Variants in MICU1 observed in about 807,000 individuals in gnomAD.
The protein encoded by MICU1 is mitochondrial calcium uptake 1.
Under a neutral mutation model 56.8 loss-of-function variants are expected in MICU1, and 45 were observed. That is an observed-to-expected ratio of 0.79 (90% CI 0.62 to 1.02). The LOEUF (loss-of-function observed/expected upper bound fraction) is 1.02, where lower values mean the gene tolerates loss of function less well. MICU1 is among the 50% of genes least tolerant of loss of function. The probability of loss-of-function intolerance (pLI) is 0.00; values close to 1 mark genes in which losing one functional copy is unlikely to be tolerated. For missense variants in MICU1, 504 were observed against 587.1 expected (o/e 0.86, Z 1.46); for synonymous variants, 186 against 195.1 (o/e 0.95, Z 0.39).
Position 72,594,336 on chromosome 10 carries a change from A to T in MICU1, c.-1-27542T>A, listed in dbSNP as rs1841312818. ...AAAGCACTATAAATGGTGCTGGACA[A>T]ACTGGGTATCTAGATGCAAAAGAGA... On this transcript the variant is annotated intron_variant, in intron 1 of 11. Transcript: ENST00000361114. Among the ~76,000 whole-genome samples, 3 of 152,278 alleles carry T rather than the reference A, an allele frequency of 2.0e-5. No individual in the cohort carries two copies. In the South Asian group the frequency reaches 6.2e-4, roughly 32 times the overall value.
chr10:72,432,543 T>C (rs1299709831), intron 8 of MICU1, among the ~76,000 whole-genome samples: 2 of 152,190 alleles, frequency 1.3e-5, no homozygotes, highest in Admixed American at 6.5e-5. Flanking sequence ...AGGGGAAGGA[T>C]GGTGCCAGCC....
At chr10:72,468,526 A>G (rs1865861706) in intron 8 of MICU1, among the ~76,000 whole-genome samples, 1 of 152,054 alleles carries the variant, frequency 6.6e-6, no homozygotes, top group Non-Finnish European at 1.5e-5. Context: ...AATAACCTTA[A>G]AAGAGAATTT....
chr10:72,533,702 G>A (rs1490129945), intron 5 of MICU1, 44 bp downstream of exon 5: 1 of 1,408,942 alleles, frequency 7.1e-7, no homozygotes, highest in East Asian at 2.3e-5. Flanking sequence ...AATCTTCTTA[G>A]TAAATGATAG....
intron 9 of MICU1, among the ~76,000 whole-genome samples, chr10:72,413,320 A>C (rs1203038251): frequency 6.6e-6 from 1 of 152,112 alleles, no homozygotes; most frequent in Non-Finnish European, 1.5e-5. Context: ...TCCATAAAGG[A>C]AAAAAAACTG....
chr10:72,507,917 CGTTTT>C (rs1867310257), intron 6 of MICU1, among the ~76,000 whole-genome samples: 2 of 152,062 alleles, frequency 1.3e-5, no homozygotes, highest in African/African-American at 2.4e-5. Context: ...TGTGCCCAGC[CGTTTT>C]GTTTTGTTTT....
chr10:72,610,034 TA>T (rs1353955013), intron 1 of MICU1, among the ~76,000 whole-genome samples: 100 of 140,042 alleles, frequency 7.1e-4, no homozygotes, highest in Non-Finnish European at 5.8e-4. Flanking sequence ...AGACTCCATC[TA>T]AAAAAAAAAA....
intron 6 of MICU1, among the ~76,000 whole-genome samples, chr10:72,496,316 T>G (rs975739786): frequency 2.0e-5 from 3 of 151,126 alleles, no homozygotes; most frequent in African/African-American, 7.3e-5. Flanking sequence ...TTTTTTTTTT[T>G]TCCGAGACAG....
At chr10:72,386,831 C>T (rs1862909114) in intron 10 of MICU1, among the ~76,000 whole-genome samples, 1 of 152,124 alleles carries the variant, frequency 6.6e-6, no homozygotes, top group African/African-American at 2.4e-5. Flanking sequence ...GTGCCACTGT[C>T]CCTGGCCTGC....
intron 4 of MICU1, among the ~76,000 whole-genome samples, chr10:72,546,222 G>A (rs894644467): frequency 2.6e-5 from 4 of 152,066 alleles, no homozygotes; most frequent in Admixed American, 2.0e-4. Flanking sequence ...CTAAAGTTTC[G>A]GTCAATCTCT....
intron 5 of MICU1, among the ~76,000 whole-genome samples, chr10:72,512,260 G>A (rs1198726544): frequency 2.0e-5 from 3 of 151,724 alleles, no homozygotes; most frequent in South Asian, 2.1e-4. Context: ...ACAGGTGCCC[G>A]CCACCACGTC....
At chr10:72,485,701 A>G (rs1866448004) in intron 6 of MICU1, among the ~76,000 whole-genome samples, 1 of 152,092 alleles carries the variant, frequency 6.6e-6, no homozygotes, top group African/African-American at 2.4e-5. Flanking sequence ...TACTTCTTAA[A>G]AGTGAACACA....
intron 1 of MICU1, among the ~76,000 whole-genome samples, chr10:72,589,596 A>C (rs770798404): frequency 4.0e-5 from 6 of 151,032 alleles, no homozygotes; most frequent in Admixed American, 6.7e-5. Context: ...AAAAACCCTT[A>C]GAGAATGGGG....
intron 8 of MICU1, among the ~76,000 whole-genome samples, chr10:72,459,255 C>T (rs1865575661): frequency 6.6e-6 from 1 of 151,948 alleles, no homozygotes; most frequent in Non-Finnish European, 1.5e-5. Flanking sequence ...TGCTTGAACC[C>T]AGGAGGCGGA....
intron 2 of MICU1, among the ~76,000 whole-genome samples, chr10:72,563,995 ATATAAG>A (rs139392121): frequency 0.042 from 6,396 of 152,286 alleles, 450 homozygotes; most frequent in African/African-American, 0.14. Context: ...GACCAAAATA[ATATAAG>A]TATTTCTTTT....
intron 5 of MICU1, among the ~76,000 whole-genome samples, chr10:72,530,699 T>C (rs1182102200): frequency 6.6e-6 from 1 of 152,174 alleles, no homozygotes; most frequent in Non-Finnish European, 1.5e-5. Context: ...AGTATTAGTG[T>C]CCATTAACAT....
At chr10:72,407,901 CA>C in intron 10 of MICU1, 27 bp downstream of exon 10, 1 of 1,542,422 alleles carries the variant, frequency 6.5e-7, no homozygotes, top group Non-Finnish European at 8.9e-7. Context: ...TTCATACCTT[CA>C]AAAAAACACT....
intron 3 of MICU1, among the ~76,000 whole-genome samples, chr10:72,557,741 T>C (rs1415496475): frequency 1.3e-5 from 2 of 152,182 alleles, no homozygotes; most frequent in African/African-American, 4.8e-5. Flanking sequence ...CACACAAATA[T>C]ATATATACAT....
intron 10 of MICU1, among the ~76,000 whole-genome samples, chr10:72,386,717 G>A (rs981520211): frequency 6.6e-6 from 1 of 151,802 alleles, no homozygotes; most frequent in African/African-American, 2.4e-5. Flanking sequence ...GTGCCACCAT[G>A]CCTGGCTAAT....
chr10:72,504,931 A>G (rs1867193514), intron 6 of MICU1, among the ~76,000 whole-genome samples: 1 of 151,946 alleles, frequency 6.6e-6, no homozygotes, highest in South Asian at 2.1e-4. Context: ...ATGAGATGCC[A>G]TCTCACACCG....
Sources: gnomAD v4.1 joint callset for allele counts (sites outside exome capture counted in the v4.1 genomes callset) on GRCh38, gnomAD v4.1.1 for gene constraint, MANE v1.5 for transcripts, NCBI Gene and HGNC (gene_info 2026-07-23, HGNC 2026-07-21) for gene names.